VPS16: variants seen among roughly 807,000 people sequenced by gnomAD.
VPS16 encodes the protein VPS16 core subunit of CORVET and HOPS complexes.
A neutral mutation model predicts 116.0 loss-of-function variants in VPS16; 82 were observed. The observed-to-expected ratio is 0.71, with a 90% CI of 0.59 to 0.85. The LOEUF (loss-of-function observed/expected upper bound fraction) is 0.85, where lower values mean the gene tolerates loss of function less well. Ranked by LOEUF, VPS16 falls within the 40% of genes least tolerant of loss-of-function variation. The pLI is 0.00. For missense variants in VPS16, 928 were observed against 1,090.6 expected (o/e 0.85, Z 2.10); for synonymous variants, 406 against 420.7 (o/e 0.96, Z 0.43).
At chr20:2,862,746 T>TGGGGGGGGGGGGGGGGGGGGGGGGGG in intron 12 of VPS16, 36 bp downstream of exon 12, 2 of 216,740 alleles carry the variant, frequency 9.2e-6, no homozygotes, top group East Asian at 1.3e-4. Context: ...AGGGTGGGGC[T>TGGGGGGGGGGGGGGGGGGGGGGGGGG]GGGAGGGGGT....
chr20:2,858,547 A>G (rs1489862086), intron 1 of VPS16, among the ~76,000 whole-genome samples: 1 of 152,124 alleles, frequency 6.6e-6, no homozygotes, highest in Non-Finnish European at 1.5e-5. Flanking sequence ...AATAGTAGGT[A>G]ATGATGGGCA....
chr20:2,842,722 G>GGATGTATCTATCTATAGATACATATA (rs1263232921), intron 1 of VPS16, among the ~76,000 whole-genome samples: 21 of 44,540 alleles, frequency 4.7e-4, no homozygotes, highest in African/African-American at 1.5e-3. Context: ...ATAGACATAT[G>GGATGTATCTATCTATAGATACATATA]GATGTATCTA....
chr20:2,862,889 A>G lies in VPS16; in HGVS notation c.1286A>G (p.Asn429Ser), dbSNP rs765209095. 16 of 1,613,954 alleles carry G rather than the reference A, an allele frequency of 9.9e-6. No homozygotes were observed. Among genetic ancestry groups the G allele is most frequent in the East Asian group, 4.5e-5 (2 of 44,888 alleles). Residue 429 changes from asparagine (N) to serine (S), a missense_variant, in exon 13 of 24, where the codon AAT (asparagine) becomes AGT (serine). Coordinates refer to ENST00000380445, the MANE Select transcript of VPS16 (RefSeq NM_022575.4). ...ATGTGTCAGGACCTGCGTGTGCTCA[A>G]TGCTGTTCGGGACTATCACATCGGG... ...VHMCQDLRVL[N>S]AVRDYHIGIP...
chr20:2,849,530 C>T (rs2089095871), intron 1 of VPS16, among the ~76,000 whole-genome samples: 1 of 151,580 alleles, frequency 6.6e-6, no homozygotes, highest in Admixed American at 6.7e-5. Flanking sequence ...AACTCCTGAC[C>T]TCAGGTGATC....
Position 2,865,581 on chromosome 20 carries a change from C to A in VPS16, c.2271+86C>A. Reference sequence around the variant, plus strand: ...TAGGCAGGGAGACAGATAGGATGGCCCGTTCATGCTCCTGTTCAGCTGCCC... The same window carrying A: ...TAGGCAGGGAGACAGATAGGATGGCACGTTCATGCTCCTGTTCAGCTGCCC... On this transcript the variant is annotated intron_variant, in intron 22 of 23. Coordinates refer to ENST00000380445, the MANE Select transcript of VPS16 (RefSeq NM_022575.4). The surrounding 1 kb of genome is among the most constrained non-coding windows in gnomAD (Gnocchi z 5.2). 8.0e-7 allele frequency: 1 copy of A among 1,250,438 alleles called. No homozygotes were observed. The highest frequency in any genetic ancestry group is 1.1e-6 in the Non-Finnish European group (1 of 890,874). 77.5% of individuals were successfully genotyped at this position (1,250,438 alleles called of 1,614,324 possible). A position where few individuals can be genotyped will look rare whatever the true frequency, so the allele number is the denominator to read the frequency against.
chr20:2,847,131 A>G (rs1255013201), intron 1 of VPS16, among the ~76,000 whole-genome samples: 2 of 152,050 alleles, frequency 1.3e-5, no homozygotes, highest in Admixed American at 6.5e-5. Flanking sequence ...CTTTACCTCT[A>G]AGGCTTCAGG....
intron 1 of VPS16, 130 bp from the exon 2 acceptor site, chr20:2,859,589 G>C (rs1301306573): frequency 2.8e-6 from 3 of 1,059,662 alleles, no homozygotes; most frequent in Non-Finnish European, 4.3e-6. Context: ...CCTCCCTCTG[G>C]GGGTAGAGAG....
Position 2,856,194 on chromosome 20 carries a change from A to AAGAGAG in VPS16, c.54-3511_54-3506dup, listed in dbSNP as rs150683763. ...GTGTCTCAGGGAATAGGAAGGCCTG[A>AAGAGAG]AGAGAGAGAGAGAGAGAGACGATCG... On this transcript the variant is annotated intron_variant, in intron 1 of 23. Coordinates refer to ENST00000380445, the MANE Select transcript of VPS16 (RefSeq NM_022575.4). Among the ~76,000 whole-genome samples, 21 of 150,152 alleles carry AAGAGAG rather than the reference A, an allele frequency of 1.4e-4. 1 individual carries two copies. In the South Asian group the frequency reaches 4.0e-3, roughly 28 times the overall value.
At chr20:2,848,837 A>G (rs187627232) in intron 1 of VPS16, among the ~76,000 whole-genome samples, 2 of 152,318 alleles carry the variant, frequency 1.3e-5, no homozygotes, top group South Asian at 2.1e-4. Flanking sequence ...CATTCAGAAT[A>G]TGTATCTGTT....
In VPS16 at chr20:2,862,107, C is replaced by T. The variant is rs1473028761; in HGVS notation, c.1048C>T (p.Leu350=). 6.2e-7 allele frequency: 1 copy of T among 1,613,860 alleles called. No individual in the cohort carries two copies. The highest frequency in any genetic ancestry group is 1.1e-5 in the South Asian group (1 of 90,928). Residue 350 remains leucine (L), a synonymous_variant, in exon 11 of 24, where the codon CTG becomes TTG. Coordinates refer to ENST00000380445, the MANE Select transcript of VPS16 (RefSeq NM_022575.4). Reference sequence around the variant, plus strand: ...CTCAATGGCCCCCGGGGCGCTGCTCCTGGAGGCTCAGAAGGAGTATGAGGT... The same window carrying T: ...CTCAATGGCCCCCGGGGCGCTGCTCTTGGAGGCTCAGAAGGAGTATGAGGT... ...IASMAPGALL[L]EAQKEYEKES...
intron 1 of VPS16, among the ~76,000 whole-genome samples, chr20:2,845,080 TGGAA>T (rs2089045193): frequency 6.7e-6 from 1 of 148,626 alleles, no homozygotes; most frequent in South Asian, 2.1e-4. Flanking sequence ...GGGGAAAAGT[TGGAA>T]GGAACAAGCA....
Position 2,863,814 on chromosome 20 carries a change from GAAGA to G in VPS16, c.1477-130_1477-127del. 8.3e-7 allele frequency: 1 copy of G among 1,208,938 alleles called. No homozygotes were observed. Among genetic ancestry groups the G allele is most frequent in the Non-Finnish European group, 1.1e-6 (1 of 911,698 alleles). The allele number at this position is 1,208,938 out of a possible 1,614,324, so 74.9% of individuals were successfully genotyped here. On this transcript the variant is annotated intron_variant, in intron 15 of 23. Coordinates refer to ENST00000380445, the MANE Select transcript of VPS16 (RefSeq NM_022575.4). This position sits in a 1 kb window ranked among gnomAD's most constrained non-coding sequence, Gnocchi z 4.4. Reference sequence around the variant, plus strand: ...GGAGGAGGAGGGAAAGAGAGAGAAAGAAGAAAGAGAGAAAGAAAGAAAGAAGAAG... The same window carrying G: ...GGAGGAGGAGGGAAAGAGAGAGAAAGAAGAGAGAAAGAAAGAAAGAAGAAG...
intron 1 of VPS16, 92 bp downstream of exon 1, chr20:2,840,919 G>T: frequency 7.9e-7 from 1 of 1,266,550 alleles, no homozygotes; most frequent in Non-Finnish European, 1.1e-6. Context: ...TGTCACTACT[G>T]GCGCTGGGGT....
At chr20:2,841,531 TTC>T (rs2088974573) in intron 1 of VPS16, among the ~76,000 whole-genome samples, 1 of 152,210 alleles carries the variant, frequency 6.6e-6, no homozygotes, top group South Asian at 2.1e-4. Flanking sequence ...AGTCTGCAGT[TTC>T]TGTGGATACT....
In VPS16 at chr20:2,840,835, GCCCCGCCCTCCCGCCCAC is replaced by G; in HGVS notation, c.53+9_53+26del. 1 of 1,524,332 alleles carries G rather than the reference GCCCCGCCCTCCCGCCCAC, an allele frequency of 6.6e-7. No homozygotes were observed. Among genetic ancestry groups the G allele is most frequent in the Non-Finnish European group, 8.9e-7 (1 of 1,128,002 alleles). The allele number at this position is 1,524,332 out of a possible 1,614,324, so 94.4% of individuals were successfully genotyped here. On this transcript the variant is annotated intron_variant, in intron 1 of 23. Coordinates refer to ENST00000380445, the MANE Select transcript of VPS16 (RefSeq NM_022575.4). ...GGACTCTGCCTTTTACCGGTGAGCT[GCCCCGCCCTCCCGCCCAC>G]GGCCTGGCTTACCCTGCTCGCCCGC...
At position 2,864,885 on chromosome 20, in the gene VPS16, G is replaced by A. The variant is rs1237455325; in HGVS notation, c.1927-93G>A. The A allele has an allele frequency of 2.6e-6, 4 of 1,560,972 alleles. No individual in the cohort carries two copies. Among genetic ancestry groups the A allele is most frequent in the South Asian group, 2.2e-5 (2 of 89,520 alleles). On this transcript the variant is annotated intron_variant, in intron 19 of 23. Coordinates refer to ENST00000380445, the MANE Select transcript of VPS16 (RefSeq NM_022575.4). The surrounding 1 kb of genome is among the most constrained non-coding windows in gnomAD (Gnocchi z 5.2). ...AGGCAAGGCTGACCCTGGCGACCCT[G>A]GGCACAGGGATGGGGGAGAAGACTG...
chr20:2,862,027 C>G (rs1347645661), intron 10 of VPS16, 27 bp from the exon 11 acceptor site: 2 of 1,612,562 alleles, frequency 1.2e-6, no homozygotes, highest in East Asian at 4.5e-5. Context: ...CTGCCTTTCT[C>G]CCTCACTCAC....
chr20:2,853,470 C>G (rs2089141730), intron 1 of VPS16, among the ~76,000 whole-genome samples: 1 of 152,094 alleles, frequency 6.6e-6, no homozygotes, highest in Admixed American at 6.6e-5. Context: ...TGTTCAAGTG[C>G]TGAGATTGAA....
At chr20:2,847,447 A>C (rs1448363868) in intron 1 of VPS16, among the ~76,000 whole-genome samples, 2 of 137,550 alleles carry the variant, frequency 1.5e-5, no homozygotes, top group African/African-American at 5.5e-5. Context: ...GAACTGCTCT[A>C]CCTCTGAAAT....
Sources: allele counts gnomAD v4.1 joint callset (sites outside exome capture counted in the v4.1 genomes callset), GRCh38; gene constraint gnomAD v4.1.1; non-coding constraint Gnocchi (gnomAD v3.1); transcripts MANE v1.5; gene names NCBI Gene and HGNC (gene_info 2026-07-23, HGNC 2026-07-21).